The following MAS1 variants were observed in gnomAD, a reference collection of about 807,000 sequenced individuals.
MAS1 encodes the protein proto-oncogene Mas.
For synonymous variants in MAS1, 163 were observed against 164.2 expected (o/e 0.99, Z 0.05); for missense variants, 387 against 409.7 (o/e 0.94, Z 0.48).
At chr6:159,903,647 C>A (rs188830448) in intron 2 of MAS1, among the ~76,000 whole-genome samples, 1 of 152,284 alleles carries the variant, frequency 6.6e-6, no homozygotes, top group Admixed American at 6.5e-5. Flanking sequence ...GGCACTCCCA[C>A]AACCACATCT....
At chr6:159,898,901 C>T (rs984384718) in intron 1 of MAS1, among the ~76,000 whole-genome samples, 61 of 152,296 alleles carry the variant, frequency 4.0e-4, no homozygotes, top group African/African-American at 1.1e-3. Flanking sequence ...TTAAGATCCA[C>T]ATAAGTTTCT....
chr6:159,889,358 T>C (rs1032762355), upstream of MAS1, among the ~76,000 whole-genome samples: 5 of 152,312 alleles, frequency 3.3e-5, no homozygotes, highest in Admixed American at 2.6e-4. Context: ...ACAGCACCCA[T>C]GGGGACAGGG....
rs530891238 is a variant in MAS1 at position 159,915,485 on chromosome 6, C to T, written c.*7552C>T. The T allele has an allele frequency of 3.5e-4, 53 of 152,348 alleles. No individual in the cohort carries two copies. Among genetic ancestry groups the T allele is most frequent in the African/African-American group, 1.2e-3 (50 of 41,570 alleles). 9.4% of individuals were successfully genotyped at this position (152,348 alleles called of 1,614,324 possible). A position where few individuals can be genotyped will look rare whatever the true frequency, so the allele number is the denominator to read the frequency against. ...AGGTGCCCTGGTTGAGGTTATTGTT[C>T]CGCAGGCACTCCTGTGGGGAAGGAG... is the stretch of plus-strand genomic sequence containing the variant. On this transcript the variant is annotated 3_prime_UTR_variant, in exon 3 of 3. Coordinates refer to ENST00000674077, the MANE Select transcript of MAS1 (RefSeq NM_002377.4).
chr6:159,906,222 G>A (rs889546090), intron 2 of MAS1, among the ~76,000 whole-genome samples: 1 of 152,182 alleles, frequency 6.6e-6, no homozygotes, highest in African/African-American at 2.4e-5. Context: ...GGTCTGTGGG[G>A]ACGTACATAC....
At position 159,907,180 on chromosome 6, in the gene MAS1, C is replaced by A. The variant is rs374306384; in HGVS notation, c.225C>A (p.Ile75=). Residue 75 remains isoleucine, a synonymous_variant, in exon 3 of 3, where the codon ATC becomes ATA. Coordinates refer to ENST00000674077, the MANE Select transcript of MAS1 (RefSeq NM_002377.4). Reference sequence around the variant, plus strand: ...CTGTCTACATCACCCACCTGTCTATCGCAGACATCTCACTGCTCTTCTGTA... The same window carrying A: ...CTGTCTACATCACCCACCTGTCTATAGCAGACATCTCACTGCTCTTCTGTA... The part of the protein sequence containing the change: ...PFTVYITHLS[I]ADISLLFCIF... The A allele has an allele frequency of 6.2e-7, 1 of 1,614,114 alleles. No homozygotes were observed. The highest frequency in any genetic ancestry group is 8.5e-7 in the Non-Finnish European group (1 of 1,180,044).
intron 1 of MAS1, among the ~76,000 whole-genome samples, 168 bp downstream of exon 1, chr6:159,891,301 A>T (rs779432362): frequency 2.7e-4 from 41 of 151,906 alleles, no homozygotes; most frequent in African/African-American, 9.9e-4. Flanking sequence ...GTTGGCAAAA[A>T]CTTCTCTTTC....
chr6:159,913,627 A>T lies in MAS1; in HGVS notation c.*5694A>T, dbSNP rs1384106941. On this transcript the variant is annotated 3_prime_UTR_variant, in exon 3 of 3. Transcript: ENST00000674077. ...CAGAGTTCCTACACAAGGCCCTTTG[A>T]TGTGGTTTGGGTTTCTTACAACATG... 6.6e-6 allele frequency: 1 copy of T among 152,098 alleles called. No individual in the cohort carries two copies. The highest frequency in any genetic ancestry group is 6.5e-5 in the Admixed American group (1 of 15,268). The allele number at this position is 152,098 out of a possible 1,614,324, so 9.4% of individuals were successfully genotyped here.
At chr6:159,893,142 G>A (rs1464251026) in intron 1 of MAS1, among the ~76,000 whole-genome samples, 1 of 152,276 alleles carries the variant, frequency 6.6e-6, no homozygotes, top group Non-Finnish European at 1.5e-5. Flanking sequence ...TTGCAGGAAG[G>A]TGGTGGGTGT....
rs544231992 is a variant in MAS1 at position 159,904,524 on chromosome 6, GTAC to G, written c.-36-2392_-36-2390del. 7.9e-5 allele frequency among the ~76,000 whole-genome samples: 12 copies of G among 152,264 alleles called. No homozygotes were observed. The South Asian group carries it at 2.5e-3, about 32-fold the overall frequency. ...CAAATCGAAGACCTCCCACCAGATA[GTAC>G]TACCTCTGCCACAACCTGATTTATG... On this transcript the variant is annotated intron_variant, in intron 2 of 2. Coordinates refer to ENST00000674077, the MANE Select transcript of MAS1 (RefSeq NM_002377.4).
Position 159,907,701 on chromosome 6 carries a change from TGCTG to T in MAS1, c.747_750del (p.Leu250ThrfsTer45), listed in dbSNP as rs764768505. On this transcript the variant is annotated frameshift_variant, in exon 3 of 3. Transcript: ENST00000674077. LOFTEE classifies it low-confidence loss of function (END_TRUNC). ...GCTATGCCCATGAGACTCCTTTACC[TGCTG>T]TACTATGAGTATTGGTCGACCTTTG... The T allele has an allele frequency of 1.2e-6, 2 of 1,613,688 alleles. No individual in the cohort carries two copies. The highest frequency in any genetic ancestry group is 2.7e-5 in the African/African-American group (2 of 74,810).
chr6:159,890,155 C>G (rs1007468532), upstream of MAS1, among the ~76,000 whole-genome samples: 2 of 152,138 alleles, frequency 1.3e-5, no homozygotes, highest in African/African-American at 2.4e-5. Flanking sequence ...GAATTCTCAG[C>G]CTTTGGGGCT....
At position 159,907,949 on chromosome 6, in the gene MAS1, T is replaced by C. The variant is rs112564811; in HGVS notation, c.*16T>C. The stretch of plus-strand genomic sequence containing the variant: ...TGTCGTCTAAGAACTGTGAGGGAAG[T>C]TGTGGATAAAAATGGTGGAACACAG... On this transcript the variant is annotated 3_prime_UTR_variant, in exon 3 of 3. Coordinates refer to ENST00000674077, the MANE Select transcript of MAS1 (RefSeq NM_002377.4). 1,128 of 1,567,428 alleles carry C rather than the reference T, an allele frequency of 7.2e-4. 11 individuals are homozygous for C. In the African/African-American group the frequency reaches 0.014, roughly 19 times the overall value.
chr6:159,896,389 G>A (rs1413897891), intron 1 of MAS1, among the ~76,000 whole-genome samples: 2 of 152,130 alleles, frequency 1.3e-5, no homozygotes, highest in Admixed American at 6.5e-5. Flanking sequence ...ACTGACATGA[G>A]TAAATGTTTA....
At chr6:159,898,668 T>TCATCCTCCTTCCTCTTCCTCCTCCTC (rs1562310014) in intron 1 of MAS1, among the ~76,000 whole-genome samples, 1 of 48,470 alleles carries the variant, frequency 2.1e-5, no homozygotes, top group East Asian at 5.7e-4. Flanking sequence ...CCCTCCTCCT[T>TCATCCTCCTTCCTCTTCCTCCTCCTC]CCTCTTCCTC....
intron 1 of MAS1, among the ~76,000 whole-genome samples, chr6:159,893,033 G>C (rs1562308449): frequency 6.6e-6 from 1 of 152,180 alleles, no homozygotes; most frequent in African/African-American, 2.4e-5. Context: ...AGCAGAATAG[G>C]CTGTGGCCTC....
At chr6:159,891,405 G>A (rs1008520052) in intron 1 of MAS1, among the ~76,000 whole-genome samples, 4 of 152,168 alleles carry the variant, frequency 2.6e-5, no homozygotes, top group Non-Finnish European at 4.4e-5. Context: ...TCGCAGTAGC[G>A]TTTTCTTTTT....
chr6:159,907,798 C>T lies in MAS1; in HGVS notation c.843C>T (p.Phe281=), dbSNP rs1317996920. 1 of 1,613,278 alleles carries T rather than the reference C, an allele frequency of 6.2e-7. No homozygotes were observed. Among genetic ancestry groups the T allele is most frequent in the Non-Finnish European group, 8.5e-7 (1 of 1,179,918 alleles). The change falls in exon 3 of 3, where the codon TTC becomes TTT. Residue 281 remains phenylalanine (F), a synonymous_variant. Transcript: ENST00000674077. ...INSSANPFIY[F]FVGSSKKKRF... ...GTAGCGCCAACCCTTTCATTTACTT[C>T]TTTGTGGGAAGCAGTAAGAAGAAGA...
At chr6:159,904,915 T>G (rs1339142316) in intron 2 of MAS1, among the ~76,000 whole-genome samples, 1 of 152,178 alleles carries the variant, frequency 6.6e-6, no homozygotes, top group Admixed American at 6.5e-5. Flanking sequence ...CTGGAATACT[T>G]TTCCCCCAAG....
At chr6:159,903,662 A>G (rs1031056070) in intron 2 of MAS1, among the ~76,000 whole-genome samples, 6 of 151,642 alleles carry the variant, frequency 4.0e-5, no homozygotes, top group African/African-American at 1.5e-4. Flanking sequence ...ACATCTACCC[A>G]CCTCACCGGA....
Sources: gnomAD v4.1 joint callset for allele counts (sites outside exome capture counted in the v4.1 genomes callset) on GRCh38, gnomAD v4.1.1 for gene constraint, MANE v1.5 for transcripts, NCBI Gene and HGNC (gene_info 2026-07-23, HGNC 2026-07-21) for gene names.